TUSC3: variants seen among roughly 807,000 people sequenced by gnomAD.
The protein encoded by TUSC3 is tumor suppressor candidate 3, also known as dolichyl-diphosphooligosaccharide--protein glycosyltransferase subunit TUSC3.
Under a neutral mutation model 44.8 loss-of-function variants are expected in TUSC3, and 45 were observed. The observed-to-expected ratio is 1.00, with a 90% CI of 0.79 to 1.29. The LOEUF is 1.29. Among genes scored for constraint, TUSC3 ranks in the 50% most tolerant of loss-of-function variants. TUSC3 has a pLI of 0.00. For synonymous variants in TUSC3, 212 were observed against 152.9 expected, an observed-to-expected ratio of 1.39 and a Z score of -2.85; for missense variants, 519 against 437.9, an observed-to-expected ratio of 1.19 and a Z score of -1.65.
chr8:15,757,142 A>C (rs1156746197), intron 9 of TUSC3, among the ~76,000 whole-genome samples: 2 of 152,144 alleles, frequency 1.3e-5, no homozygotes, highest in African/African-American at 4.8e-5. Context: ...GTCTCTAAAA[A>C]AACTCGTTCT....
chr8:15,494,243 G>A (rs535070643), intron 2 of TUSC3, among the ~76,000 whole-genome samples: 1 of 151,954 alleles, frequency 6.6e-6, no homozygotes, highest in East Asian at 1.9e-4. Flanking sequence ...TTATCTAAAT[G>A]GTGTGAGTGA....
chr8:15,474,501 C>A (rs1392053927), intron 1 of TUSC3, among the ~76,000 whole-genome samples: 1 of 152,130 alleles, frequency 6.6e-6, no homozygotes, highest in African/African-American at 2.4e-5. Context: ...GAGTCCCTGA[C>A]TTCCTGCAAC....
At chr8:15,483,649 A>ATTTGTTTTTTTTTTTTTT (rs1800694522) in intron 2 of TUSC3, among the ~76,000 whole-genome samples, 1 of 66,166 alleles carries the variant, frequency 1.5e-5, no homozygotes, top group African/African-American at 5.5e-5. Context: ...TAGCACTGTG[A>ATTTGTTTTTTTTTTTTTT]TTTTTTTTTT....
intron 1 of TUSC3, among the ~76,000 whole-genome samples, chr8:15,423,959 G>T (rs1158571029): frequency 1.8e-5 from 1 of 55,860 alleles, no homozygotes; most frequent in African/African-American, 4.7e-5. Context: ...CATTCATACT[G>T]TTTTGCTTTG....
At chr8:15,457,317 A>G (rs13268782) in intron 1 of TUSC3, among the ~76,000 whole-genome samples, 45,168 of 151,652 alleles carry the variant, frequency 0.3, 8,137 homozygotes, top group Non-Finnish European at 0.42. Flanking sequence ...AAAGTATAAT[A>G]AAAATATATA....
intron 1 of TUSC3, among the ~76,000 whole-genome samples, chr8:15,566,246 T>G (rs1053132053): frequency 6.6e-6 from 1 of 152,192 alleles, no homozygotes; most frequent in Non-Finnish European, 1.5e-5. Flanking sequence ...AGCCATTCTT[T>G]AGTAGTATGT....
intron 6 of TUSC3, among the ~76,000 whole-genome samples, chr8:15,692,371 C>CCCCCCCCCCT (rs1563175839): frequency 5.3e-5 from 1 of 18,818 alleles, no homozygotes; most frequent in Non-Finnish European, 1.0e-4. Context: ...CCCCCCCCCC[C>CCCCCCCCCCT]TTTGTTTTTT....
At chr8:15,515,641 T>G (rs143498246) in intron 2 of TUSC3, among the ~76,000 whole-genome samples, 1 of 152,030 alleles carries the variant, frequency 6.6e-6, no homozygotes, top group African/African-American at 2.4e-5. Context: ...CAGTATATTA[T>G]ATGATACAAA....
chr8:15,471,638 A>G (rs1333825350), intron 1 of TUSC3, among the ~76,000 whole-genome samples: 3 of 144,006 alleles, frequency 2.1e-5, no homozygotes, highest in African/African-American at 2.6e-5. Flanking sequence ...TTTTTTTGAG[A>G]TGGAGTTTCG....
chr8:15,827,040 ACT>A, the TUSC3 span, among the ~76,000 whole-genome samples: 1 of 151,982 alleles, frequency 6.6e-6, no homozygotes, highest in Admixed American at 6.6e-5. Flanking sequence ...GGATATTCAA[ACT>A]CTCCCTTTGA....
chr8:15,794,664 G>A, the TUSC3 span, among the ~76,000 whole-genome samples: 1 of 152,042 alleles, frequency 6.6e-6, no homozygotes, highest in Non-Finnish European at 1.5e-5. Context: ...ACACAAAGAG[G>A]GCCCAATGAC....
intron 6 of TUSC3, among the ~76,000 whole-genome samples, chr8:15,685,880 A>C (rs369544310): frequency 1.8e-4 from 23 of 130,938 alleles, no homozygotes; most frequent in African/African-American, 6.5e-4. Context: ...TTGAAAAATT[A>C]GTGGTATTTG....
chr8:15,690,274 T>A (rs1478433583), intron 6 of TUSC3, among the ~76,000 whole-genome samples: 1 of 152,220 alleles, frequency 6.6e-6, no homozygotes, highest in Non-Finnish European at 1.5e-5. Context: ...CTGTTGAGCA[T>A]TTCTTCTTAT....
chr8:15,614,015 ATTTTT>A (rs35240351), intron 1 of TUSC3, among the ~76,000 whole-genome samples: 1 of 105,572 alleles, frequency 9.5e-6, no homozygotes. Flanking sequence ...GTGTTTTGTT[ATTTTT>A]TTTTTTTTTT....
rs1805081498 is a variant in TUSC3 at position 15,618,233 on chromosome 8, TA to T, written c.139-4846del. ...CTATAAACACTGCACGCTTAGGCTT[TA>T]TCGAAAGATTTTTCTTTGATAATAA... On this transcript the variant is annotated intron_variant, in intron 1 of 10. Coordinates refer to ENST00000503731, the MANE Select transcript of TUSC3 (RefSeq NM_006765.4). 2.6e-5 allele frequency among the ~76,000 whole-genome samples: 4 copies of T among 152,338 alleles called. No individual in the cohort carries two copies. The South Asian group carries it at 8.3e-4, about 32-fold the overall frequency.
intron 1 of TUSC3, among the ~76,000 whole-genome samples, chr8:15,421,332 G>A (rs1483884912): frequency 6.6e-6 from 1 of 151,964 alleles, no homozygotes; most frequent in Non-Finnish European, 1.5e-5. Context: ...CTACTACTCT[G>A]AATTTATTCT....
chr8:15,508,511 G>A (rs549549538), intron 2 of TUSC3, among the ~76,000 whole-genome samples: 37 of 133,748 alleles, frequency 2.8e-4, no homozygotes, highest in Middle Eastern at 5.3e-3. Context: ...GCCCAGGCTG[G>A]AGTGCAGTGG....
intron 1 of TUSC3, among the ~76,000 whole-genome samples, chr8:15,557,727 G>A (rs1202288032): frequency 1.5e-5 from 2 of 137,618 alleles, no homozygotes; most frequent in Admixed American, 7.5e-5. Context: ...CACATCCCTT[G>A]TAAGTTGGAT....
chr8:15,446,448 G>A (rs1800103406), intron 1 of TUSC3, among the ~76,000 whole-genome samples: 1 of 152,130 alleles, frequency 6.6e-6, no homozygotes, highest in Non-Finnish European at 1.5e-5. Flanking sequence ...ATTGAGCACT[G>A]AGTGAGCGAG....
Sources: gnomAD v4.1 joint callset for allele counts (sites outside exome capture counted in the v4.1 genomes callset) on GRCh38, gnomAD v4.1.1 for gene constraint, MANE v1.5 for transcripts, NCBI Gene and HGNC (gene_info 2026-07-23, HGNC 2026-07-21) for gene names.